The following PDZD7 variants were observed in gnomAD, a reference collection of about 807,000 sequenced individuals.
The protein encoded by PDZD7 is PDZ domain-containing protein 7.
Under a neutral mutation model 84.7 loss-of-function variants are expected in PDZD7, and 72 were observed. That is an observed-to-expected ratio of 0.85 (90% CI 0.70 to 1.03). The LOEUF is 1.03. PDZD7 is among the 50% of genes least tolerant of loss of function. The pLI, the probability that PDZD7 is intolerant of heterozygous loss-of-function variation, is 0.00. For missense variants in PDZD7, 1,490 were observed against 1,412.9 expected (o/e 1.05, Z -0.87); for synonymous variants, 594 against 580.7 (o/e 1.02, Z -0.33).
chr10:101,009,226 T>C (rs1852312997), intron 16 of PDZD7, 24 bp downstream of exon 16: 1 of 1,516,702 alleles, frequency 6.6e-7, no homozygotes. Flanking sequence ...TCTGAGAGGG[T>C]GGGCCAGGGC....
chr10:101,026,125 C>T (rs1192458897), intron 2 of PDZD7, among the ~76,000 whole-genome samples: 9 of 151,974 alleles, frequency 5.9e-5, no homozygotes, highest in Admixed American at 5.2e-4. Context: ...AAGGTTGAAC[C>T]TGTCGGGGAA....
At position 101,031,087 on chromosome 10, in the gene PDZD7, GGC is replaced by G. The variant is rs1367001467; in HGVS notation, c.-182_-181del. 1 of 152,308 alleles carries G rather than the reference GGC, an allele frequency of 6.6e-6. No individual in the cohort carries two copies. The allele number at this position is 152,308 out of a possible 1,614,324, so 9.4% of individuals were successfully genotyped here. On this transcript the variant is annotated 5_prime_UTR_variant, in exon 1 of 17. Transcript: ENST00000619208. The stretch of plus-strand genomic sequence containing the variant: ...GTCGGCCTCACCTGGTCGCTGGTGT[GGC>G]GCCGCCAGCCTTGTCAAACCACCCG...
At position 101,008,286 on chromosome 10, in the gene PDZD7, T is replaced by C; in HGVS notation, c.*181A>G. ...CCACTAGCACCTTGTCCTTGGACAC[T>C]AAGGCAGAGCCTTAATGACAGCTGA... On this transcript the variant is annotated 3_prime_UTR_variant, in exon 17 of 17. Coordinates refer to ENST00000619208, the MANE Select transcript of PDZD7 (RefSeq NM_001195263.2). 1 of 706,332 alleles carries C rather than the reference T, an allele frequency of 1.4e-6. No individual in the cohort carries two copies. The highest frequency in any genetic ancestry group is 4.0e-4 in the Middle Eastern group (1 of 2,480). 43.8% of individuals were successfully genotyped at this position (706,332 alleles called of 1,614,324 possible).
chr10:101,011,532 T>TA, intron 14 of PDZD7, 158 bp downstream of exon 14: 6 of 1,439,624 alleles, frequency 4.2e-6, no homozygotes, highest in Non-Finnish European at 4.5e-6. Flanking sequence ...GCAGATGTGA[T>TA]AAAATGGCTC....
At chr10:101,015,043 C>G in intron 11 of PDZD7, among the ~76,000 whole-genome samples, 1 of 152,208 alleles carries the variant, frequency 6.6e-6, no homozygotes, top group Non-Finnish European at 1.5e-5. Context: ...AAATCTGACT[C>G]TCTCTCCACC....
Position 101,011,750 on chromosome 10 carries a change from C to T in PDZD7, c.1945G>A (p.Ala649Thr), listed in dbSNP as rs1852399768. ...GTGTCCTGCCGGGCTGGTCTCAAAG[C>T]AGGAGGCCGGACTGGTTGGAGAGAT... The part of the protein sequence containing the change: ...ALKSRAVRPP[A>T]LRPARQDTPP... Residue 649 changes from alanine to threonine, a missense_variant, in exon 14 of 17, where the codon GCT becomes ACT. By Grantham distance (58) the Ala-to-Thr change is moderately conservative. Transcript: ENST00000619208. 1.3e-6 allele frequency: 2 copies of T among 1,548,764 alleles called. No individual in the cohort carries two copies. Among genetic ancestry groups the T allele is most frequent in the Non-Finnish European group, 8.7e-7 (1 of 1,146,992 alleles).
Position 101,017,865 on chromosome 10 carries a change from AAG to A in PDZD7, c.1522+232_1522+233del, listed in dbSNP as rs1491425916. 46 of 444,724 alleles carry A rather than the reference AAG, an allele frequency of 1.0e-4. No individual in the cohort carries two copies. In the Middle Eastern group the frequency reaches 1.7e-3, roughly 17 times the overall value. The allele number at this position is 444,724 out of a possible 1,614,324, so 27.5% of individuals were successfully genotyped here. A position where few individuals can be genotyped will look rare whatever the true frequency, so the allele number is the denominator to read the frequency against. ...AAAGAAAGAAAGAAAGAAAGAAAGA[AAG>A]AAAGAAAGAAAGAAAGAAAGAAAGA... On this transcript the variant is annotated intron_variant, in intron 9 of 16. Transcript: ENST00000619208.
Position 101,018,930 on chromosome 10 carries a change from G to A in PDZD7, c.1216C>T (p.Arg406Cys), listed in dbSNP as rs1309845047. The A allele has an allele frequency of 5.6e-6, 9 of 1,602,790 alleles. No individual in the cohort carries two copies. Among genetic ancestry groups the A allele is most frequent in the Non-Finnish European group, 7.7e-6 (9 of 1,175,456 alleles). The change falls in exon 8 of 17, where the codon CGC becomes TGC. Residue 406 changes from arginine to cysteine, a missense_variant. Arg to Cys is a radical substitution (Grantham distance 180). Coordinates refer to ENST00000619208, the MANE Select transcript of PDZD7 (RefSeq NM_001195263.2). ...AIRSDGPHPG[R>C]RLDSALSESP... ...TCAGAGAGCGCAGAGTCAAGGCGGC[G>A]GCCGGGATGGGGGCCGTCCGAGCGG...
intron 14 of PDZD7, chr10:101,011,241 C>T (rs1404963212): frequency 2.4e-6 from 1 of 424,176 alleles, no homozygotes; most frequent in Non-Finnish European, 3.8e-6. Context: ...GGGGTTTCGC[C>T]ATGTTGGCCA....
In PDZD7 at chr10:101,010,818, G is replaced by C; in HGVS notation, c.2071C>G (p.Leu691Val). 1 of 1,535,358 alleles carries C rather than the reference G, an allele frequency of 6.5e-7. No individual in the cohort carries two copies. Among genetic ancestry groups the C allele is most frequent in the Non-Finnish European group, 8.7e-7 (1 of 1,146,890 alleles). Reference protein sequence around the residue: ...GFPEEEDNGELRERLGALKVS... With the variant: ...GFPEEEDNGEVRERLGALKVS... ...TTGAGGGCCCCCAGCCGCTCCCTCA[G>C]CTCCCCATTATCTTCCTCTTCCGGG... The change falls in exon 15 of 17, where the codon CTG becomes GTG. Residue 691 changes from leucine to valine, a missense_variant. Physicochemically the swap from Leu to Val is conservative, Grantham distance 32. Transcript: ENST00000619208.
chr10:101,015,672 A>C lies in PDZD7; in HGVS notation c.1713T>G (p.Asp571Glu). Residue 571 changes from aspartate (D) to glutamate (E), a missense_variant, in exon 11 of 17, where the codon GAT (aspartate) becomes GAG (glutamate). Asp to Glu is a conservative substitution (Grantham distance 45). Coordinates refer to ENST00000619208, the MANE Select transcript of PDZD7 (RefSeq NM_001195263.2). Reference sequence around the variant, plus strand: ...GGCGGGTGACAGCCAGCACCTCGTCATCAGTCAGCAGCCTCTGGGCCAGGT... The same window carrying C: ...GGCGGGTGACAGCCAGCACCTCGTCCTCAGTCAGCAGCCTCTGGGCCAGGT... ...IQDLAQRLLT[D>E]DEVLAVTRHC... 1.3e-6 allele frequency: 2 copies of C among 1,550,392 alleles called. No homozygotes were observed. Among genetic ancestry groups the C allele is most frequent in the South Asian group, 2.4e-5 (2 of 84,056 alleles).
intron 1 of PDZD7, 42 bp from the exon 2 acceptor site, chr10:101,030,426 TC>T: frequency 1.5e-6 from 1 of 679,194 alleles, no homozygotes; most frequent in Non-Finnish European, 2.7e-6. Flanking sequence ...TGTAAATGTT[TC>T]CCCTGCTGCC....
chr10:101,009,050 G>GGGCTCA (rs1330825299), intron 16 of PDZD7, among the ~76,000 whole-genome samples, 200 bp from the exon 17 acceptor site: 1 of 152,120 alleles, frequency 6.6e-6, no homozygotes, highest in Admixed American at 6.5e-5. Flanking sequence ...TTGTCCCTTG[G>GGGCTCA]GGCTCAGGCT....
intron 2 of PDZD7, among the ~76,000 whole-genome samples, chr10:101,024,996 G>A (rs764963817): frequency 2.6e-5 from 4 of 151,956 alleles, no homozygotes; most frequent in Non-Finnish European, 4.4e-5. Context: ...ATGGTTGAGG[G>A]TGTCTGGCTT....
At chr10:101,025,767 T>TATTTATC (rs1937654107) in intron 2 of PDZD7, among the ~76,000 whole-genome samples, 1 of 150,714 alleles carries the variant, frequency 6.6e-6, no homozygotes, top group African/African-American at 2.5e-5. Flanking sequence ...CAGGATTGTT[T>TATTTATC]TGATCTCCTG....
At chr10:101,013,412 G>A (rs1852466363) in intron 11 of PDZD7, among the ~76,000 whole-genome samples, 1 of 152,186 alleles carries the variant, frequency 6.6e-6, no homozygotes, top group Admixed American at 6.5e-5. Flanking sequence ...TACAAACCAT[G>A]GGCAATGGGG....
intron 10 of PDZD7, 31 bp from the exon 11 acceptor site, chr10:101,015,842 G>C: frequency 6.5e-7 from 1 of 1,533,298 alleles, no homozygotes; most frequent in Non-Finnish European, 8.8e-7. Flanking sequence ...GGGGAGGGGA[G>C]AGGGGCTTCC....
chr10:101,009,459 A>G, intron 15 of PDZD7, 109 bp from the exon 16 acceptor site: 1 of 812,130 alleles, frequency 1.2e-6, no homozygotes, highest in Non-Finnish European at 2.0e-6. Context: ...AACTTCTCCC[A>G]CATCCCTACA....
intron 9 of PDZD7, chr10:101,017,888 A>AAAGAAAGG (rs1554834690): frequency 2.5e-5 from 5 of 197,746 alleles, no homozygotes; most frequent in Non-Finnish European, 5.3e-5. Flanking sequence ...AGAAAGAAAG[A>AAAGAAAGG]AAGAAAAGAA....
Sources: gnomAD v4.1 joint callset for allele counts (sites outside exome capture counted in the v4.1 genomes callset) on GRCh38, gnomAD v4.1.1 for gene constraint, MANE v1.5 for transcripts, NCBI Gene and HGNC (gene_info 2026-07-23, HGNC 2026-07-21) for gene names.